Variants in AGO3 observed in about 807,000 individuals in gnomAD.
AGO3 encodes the protein protein argonaute-3.
A neutral mutation model predicts 105.5 loss-of-function variants in AGO3; 16 were observed. The observed-to-expected ratio is 0.15, with a 90% CI of 0.10 to 0.23. AGO3 has a LOEUF of 0.23. Ranked by LOEUF, AGO3 falls within the 10% of genes least tolerant of loss-of-function variation. The probability of loss-of-function intolerance (pLI) is 1.00; values close to 1 mark genes in which losing one functional copy is unlikely to be tolerated. For missense variants in AGO3, 534 were observed against 1,088.0 expected, an observed-to-expected ratio of 0.49 and a Z score of 7.16; for synonymous variants, 340 against 367.3, an observed-to-expected ratio of 0.93 and a Z score of 0.85.
intron 1 of AGO3, among the ~76,000 whole-genome samples, chr1:35,944,544 C>CTTTTTT (rs761797350): frequency 8.5e-5 from 9 of 105,484 alleles, no homozygotes; most frequent in East Asian, 2.7e-4. Context: ...ATTTTATTTA[C>CTTTTTT]TTTTTTTTTT....
In AGO3 at chr1:36,067,379, T is replaced by G. The variant is rs572842765; in HGVS notation, c.*11634T>G. On this transcript the variant is annotated 3_prime_UTR_variant, in exon 19 of 19. Transcript: ENST00000373191. Reference sequence around the variant, plus strand: ...TAAGGTTTTCCAGGAGCTTTCTCATTTCTTAGCCCAGGGTCCAACCCCATT... The same window carrying G: ...TAAGGTTTTCCAGGAGCTTTCTCATGTCTTAGCCCAGGGTCCAACCCCATT... The G allele has an allele frequency of 2.6e-5, 4 of 152,316 alleles. No individual in the cohort carries two copies. Among genetic ancestry groups the G allele is most frequent in the African/African-American group, 4.8e-5 (2 of 41,580 alleles). 9.4% of individuals were successfully genotyped at this position (152,316 alleles called of 1,614,324 possible).
chr1:36,040,022 C>A (rs1281587122), intron 15 of AGO3, 38 bp downstream of exon 15: 3 of 1,557,070 alleles, frequency 1.9e-6, no homozygotes, highest in Non-Finnish European at 2.6e-6. Context: ...ATGGTGAAAT[C>A]AGATATTGTG....
At chr1:35,979,296 G>A (rs1425034374) in intron 5 of AGO3, among the ~76,000 whole-genome samples, 1 of 151,968 alleles carries the variant, frequency 6.6e-6, no homozygotes, top group Non-Finnish European at 1.5e-5. Context: ...CCCAGGAGGC[G>A]GAGCTTGCAG....
intron 3 of AGO3, among the ~76,000 whole-genome samples, chr1:35,967,445 C>T (rs561926966): frequency 6.3e-4 from 96 of 151,760 alleles, no homozygotes; most frequent in African/African-American, 2.2e-3. Context: ...GACAGGGTCT[C>T]GCTTTGTCAC....
At chr1:35,989,101 A>G (rs1204271999) in intron 5 of AGO3, among the ~76,000 whole-genome samples, 1 of 152,218 alleles carries the variant, frequency 6.6e-6, no homozygotes, top group African/African-American at 2.4e-5. Context: ...GAAAATACCA[A>G]GTGCAATGGA....
rs1640464913 is a variant in AGO3, at chr1:36,009,059, C to G, written c.1029+15C>G. On this transcript the variant is annotated intron_variant, in intron 8 of 18. Transcript: ENST00000373191. The stretch of plus-strand genomic sequence containing the variant: ...TGCCACTAGAAGTAATGCCTTCACA[C>G]TGCTAATTAATACCCTGTTGTTCAT... 3 of 1,512,040 alleles carry G rather than the reference C, an allele frequency of 2.0e-6. No individual in the cohort carries two copies. The highest frequency in any genetic ancestry group is 1.7e-6 in the Non-Finnish European group (2 of 1,149,268). 93.7% of individuals were successfully genotyped at this position (1,512,040 alleles called of 1,614,324 possible).
At chr1:35,979,996 C>T (rs1647023330) in intron 5 of AGO3, among the ~76,000 whole-genome samples, 1 of 152,092 alleles carries the variant, frequency 6.6e-6, no homozygotes, top group African/African-American at 2.4e-5. Flanking sequence ...CCATTTTTTA[C>T]ATTTGTATAT....
At chr1:36,018,187 T>C (rs1213066513) in intron 11 of AGO3, among the ~76,000 whole-genome samples, 1 of 151,956 alleles carries the variant, frequency 6.6e-6, no homozygotes, top group Non-Finnish European at 1.5e-5. Context: ...TTAGCCAGGA[T>C]GGTCTCCATC....
At chr1:36,019,593 A>G (rs975558046) in intron 11 of AGO3, among the ~76,000 whole-genome samples, 2 of 152,194 alleles carry the variant, frequency 1.3e-5, no homozygotes, top group Non-Finnish European at 2.9e-5. Context: ...GAAAATATGC[A>G]CTGAAAATCA....
intron 3 of AGO3, among the ~76,000 whole-genome samples, chr1:35,967,382 T>C (rs984887289): frequency 3.3e-5 from 5 of 151,542 alleles, no homozygotes; most frequent in African/African-American, 1.2e-4. Flanking sequence ...AGGTTGCACA[T>C]ACCATGCCCC....
chr1:35,967,471 G>A lies in AGO3; in HGVS notation c.312+396G>A, dbSNP rs144622199. 1.3e-3 allele frequency among the ~76,000 whole-genome samples: 194 copies of A among 152,208 alleles called. 2 individuals carry two copies. The highest frequency in any genetic ancestry group is 4.5e-3 in the African/African-American group (188 of 41,534). On this transcript the variant is annotated intron_variant, in intron 3 of 18. Coordinates refer to ENST00000373191, the MANE Select transcript of AGO3 (RefSeq NM_024852.4). Reference sequence around the variant, plus strand: ...GCTTTGTCACCTAGGTTGGAGTGCAGTAGTGTGATCTCGGCTCACTGCAAC... The same window carrying A: ...GCTTTGTCACCTAGGTTGGAGTGCAATAGTGTGATCTCGGCTCACTGCAAC...
chr1:35,979,645 A>G (rs986964345), intron 5 of AGO3, among the ~76,000 whole-genome samples: 11 of 151,634 alleles, frequency 7.3e-5, no homozygotes, highest in Admixed American at 1.3e-4. Flanking sequence ...TGTAATTTCC[A>G]TTTTCTGAAT....
rs1470490340 is a variant in AGO3, at chr1:36,027,162, C to T, written c.1455C>T (p.Pro485=). The T allele has an allele frequency of 6.2e-7, 1 of 1,614,100 alleles. No individual in the cohort carries two copies. The highest frequency in any genetic ancestry group is 1.7e-5 in the Admixed American group (1 of 60,012). Residue 485 remains proline (P), a synonymous_variant, in exon 12 of 19, where the codon CCC becomes CCT. Coordinates refer to ENST00000373191, the MANE Select transcript of AGO3 (RefSeq NM_024852.4). The surrounding 1 kb of genome is among the most constrained non-coding windows in gnomAD (Gnocchi z 4.0). The part of the protein sequence containing the change: ...LRKISKDAGM[P]IQGQPCFCKY... Reference sequence around the variant, plus strand: ...AGATTTCTAAGGATGCAGGGATGCCCATCCAGGGCCAGCCATGCTTCTGCA... The same window carrying T: ...AGATTTCTAAGGATGCAGGGATGCCTATCCAGGGCCAGCCATGCTTCTGCA...
At chr1:36,021,969 T>G (rs1170246320) in intron 11 of AGO3, among the ~76,000 whole-genome samples, 1 of 152,096 alleles carries the variant, frequency 6.6e-6, no homozygotes, top group Non-Finnish European at 1.5e-5. Context: ...ATAGAAAATC[T>G]TTTAAAAGAG....
Position 36,056,942 on chromosome 1 carries a change from G to C in AGO3, c.*1197G>C, listed in dbSNP as rs530018142. 4 of 151,924 alleles carry C rather than the reference G, an allele frequency of 2.6e-5. No homozygotes were observed. Among genetic ancestry groups the C allele is most frequent in the African/African-American group, 9.7e-5 (4 of 41,354 alleles). The allele number at this position is 151,924 out of a possible 1,614,324, so 9.4% of individuals were successfully genotyped here. On this transcript the variant is annotated 3_prime_UTR_variant, in exon 19 of 19. Coordinates refer to ENST00000373191, the MANE Select transcript of AGO3 (RefSeq NM_024852.4). ...TTTTTAGTAGAGACGGGGTTTCACCGTGTTGGCCAGGATGGTCTCGATCTC... is the reference window on the plus strand; with the variant it reads ...TTTTTAGTAGAGACGGGGTTTCACCCTGTTGGCCAGGATGGTCTCGATCTC...
intron 5 of AGO3, among the ~76,000 whole-genome samples, chr1:35,985,611 T>C (rs1647156544): frequency 6.6e-6 from 1 of 152,214 alleles, no homozygotes; most frequent in African/African-American, 2.4e-5. Context: ...TTTAAAAAAA[T>C]TAGATCCATC....
Position 36,069,645 on chromosome 1 carries a change from T to G in AGO3, c.*13900T>G, listed in dbSNP as rs1643136504. 1 of 152,260 alleles carries G rather than the reference T, an allele frequency of 6.6e-6. No individual in the cohort carries two copies. The highest frequency in any genetic ancestry group is 2.4e-5 in the African/African-American group (1 of 41,474). The allele number at this position is 152,260 out of a possible 1,614,324, so 9.4% of individuals were successfully genotyped here. On this transcript the variant is annotated 3_prime_UTR_variant, in exon 19 of 19. Transcript: ENST00000373191. Reference sequence around the variant, plus strand: ...CCTGCAAGATATCCAGCACACAGGCTGAATTTTTCTTTATAATAATCCTTG... The same window carrying G: ...CCTGCAAGATATCCAGCACACAGGCGGAATTTTTCTTTATAATAATCCTTG...
chr1:35,986,310 A>G (rs1361185316), intron 5 of AGO3, among the ~76,000 whole-genome samples: 1 of 152,266 alleles, frequency 6.6e-6, no homozygotes, highest in Non-Finnish European at 1.5e-5. Context: ...AATAAACAGC[A>G]CGTAAATAGT....
At chr1:35,987,500 AAGCAAAAGGATATGTTATTATTT>A (rs1569629445) in intron 5 of AGO3, among the ~76,000 whole-genome samples, 1 of 152,064 alleles carries the variant, frequency 6.6e-6, no homozygotes, top group African/African-American at 2.4e-5. Context: ...TTCAAAAAAA[AAGCAAAAGGATATGTTATTATTT>A]ATATAAACTT....
Sources: allele counts gnomAD v4.1 joint callset (sites outside exome capture counted in the v4.1 genomes callset), GRCh38; gene constraint gnomAD v4.1.1; non-coding constraint Gnocchi (gnomAD v3.1); transcripts MANE v1.5; gene names NCBI Gene and HGNC (gene_info 2026-07-23, HGNC 2026-07-21).